CADPS: variants seen among roughly 807,000 people sequenced by gnomAD.
CADPS encodes calcium-dependent secretion activator 1.
A neutral mutation model predicts 167.3 loss-of-function variants in CADPS; 57 were observed. The observed-to-expected ratio is 0.34, with a 90% CI of 0.28 to 0.42. The LOEUF (loss-of-function observed/expected upper bound fraction) is 0.42, where lower values mean the gene tolerates loss of function less well. Among genes scored for constraint, CADPS ranks in the 20% least tolerant of loss-of-function variants. The probability of loss-of-function intolerance (pLI) is 1.00; values close to 1 mark genes in which losing one functional copy is unlikely to be tolerated. For missense variants in CADPS, 1,414 were observed against 1,738.1 expected (o/e 0.81, Z 3.32); for synonymous variants, 676 against 635.3 (o/e 1.06, Z -0.96).
intron 1 of CADPS, among the ~76,000 whole-genome samples, chr3:62,793,759 G>C (rs192918007): frequency 6.6e-6 from 1 of 152,186 alleles, no homozygotes; most frequent in Non-Finnish European, 1.5e-5. Context: ...GTGTGTGTGC[G>C]CACGTGCGTG....
At chr3:62,680,049 C>T (rs2076910331) in intron 3 of CADPS, among the ~76,000 whole-genome samples, 1 of 151,926 alleles carries the variant, frequency 6.6e-6, no homozygotes, top group South Asian at 2.1e-4. Flanking sequence ...CTATGGGGAG[C>T]CACTAAAGGT....
intron 6 of CADPS, among the ~76,000 whole-genome samples, chr3:62,608,577 C>A (rs2061031003): frequency 6.6e-6 from 1 of 152,104 alleles, no homozygotes; most frequent in Admixed American, 6.5e-5. Flanking sequence ...CTGCACCCAG[C>A]TGAAAGTTGA....
rs1560144598 is a variant in CADPS at position 62,420,894 on chromosome 3, A to AGG, written c.3777+17209_3777+17210insCC. Among the ~76,000 whole-genome samples, 3 of 128,784 alleles carry AGG rather than the reference A, an allele frequency of 2.3e-5. No homozygotes were observed. The highest frequency in any genetic ancestry group is 2.2e-4 in the East Asian group (1 of 4,482). 84.5% of individuals were successfully genotyped at this position (128,784 alleles called of 152,430 possible). A position where few individuals can be genotyped will look rare whatever the true frequency, so the allele number is the denominator to read the frequency against. ...CACACACACACACACACACACACACACACACACAGGCACACACACACACAC... is the reference window on the plus strand; with the variant it reads ...CACACACACACACACACACACACACAGGCACACACAGGCACACACACACACAC... On this transcript the variant is annotated intron_variant, in intron 28 of 29. Coordinates refer to ENST00000383710, the MANE Select transcript of CADPS (RefSeq NM_003716.4). The surrounding 1 kb of genome is among the most constrained non-coding windows in gnomAD (Gnocchi z 4.1).
In CADPS at chr3:62,412,492, A is replaced by G. The variant is rs1264738562; in HGVS notation, c.3778-9307T>C. ...TTTGCTGCTTCTGTGGGAAGGTATA[A>G]GGGATTTAACATTTGGGAGCATTAT... is the stretch of plus-strand genomic sequence containing the variant. On this transcript the variant is annotated intron_variant, in intron 28 of 29. Transcript: ENST00000383710. This position sits in a 1 kb window ranked among gnomAD's most constrained non-coding sequence, Gnocchi z 4.1. Among the ~76,000 whole-genome samples, 1 of 152,166 alleles carries G rather than the reference A, an allele frequency of 6.6e-6. No individual in the cohort carries two copies. The highest frequency in any genetic ancestry group is 1.5e-5 in the Non-Finnish European group (1 of 68,040).
In CADPS at chr3:62,874,104, C is replaced by A. The variant is rs1190326308; in HGVS notation, c.441+485G>T. 6.6e-6 allele frequency among the ~76,000 whole-genome samples: 1 copy of A among 152,220 alleles called. No homozygotes were observed. Among genetic ancestry groups the A allele is most frequent in the Non-Finnish European group, 1.5e-5 (1 of 68,022 alleles). ...CAGCGAGCGGAGCGCTGCTCCAAGACGCTCTTCTCCCTCCACCTCGGCGCC... is the reference window on the plus strand; with the variant it reads ...CAGCGAGCGGAGCGCTGCTCCAAGAAGCTCTTCTCCCTCCACCTCGGCGCC... On this transcript the variant is annotated intron_variant, in intron 1 of 29. Coordinates refer to ENST00000383710, the MANE Select transcript of CADPS (RefSeq NM_003716.4). The surrounding 1 kb of genome is among the most constrained non-coding windows in gnomAD (Gnocchi z 7.1).
chr3:62,423,864 T>C lies in CADPS; in HGVS notation c.3777+14240A>G, dbSNP rs1259543240. ...AAAAGAAATAACACATTTAACAAGA[T>C]GGTGCTGCTATCTCTAATGTACAGT... On this transcript the variant is annotated intron_variant, in intron 28 of 29. Coordinates refer to ENST00000383710, the MANE Select transcript of CADPS (RefSeq NM_003716.4). Among the ~76,000 whole-genome samples the C allele has an allele frequency of 9.2e-5, 14 of 152,334 alleles. 1 individual carries two copies. Among genetic ancestry groups the C allele is most frequent in the Admixed American group, 2.6e-4 (4 of 15,302 alleles).
chr3:62,436,257 T>C (rs1356914966), intron 28 of CADPS, among the ~76,000 whole-genome samples: 1 of 152,078 alleles, frequency 6.6e-6, no homozygotes, highest in Non-Finnish European at 1.5e-5. Context: ...TCAAATTCAG[T>C]ACTAGATTTA....
At chr3:62,751,278 T>C (rs2082642209) in intron 3 of CADPS, among the ~76,000 whole-genome samples, 1 of 152,196 alleles carries the variant, frequency 6.6e-6, no homozygotes, top group African/African-American at 2.4e-5. Context: ...AAAAACCATA[T>C]ATTTAGAATT....
At chr3:62,741,068 C>T (rs919127117) in intron 3 of CADPS, among the ~76,000 whole-genome samples, 2 of 152,132 alleles carry the variant, frequency 1.3e-5, no homozygotes, top group Non-Finnish European at 2.9e-5. Flanking sequence ...TCCAGAGAAC[C>T]AGCCCACCCT....
chr3:62,853,914 C>G (rs538042639), intron 1 of CADPS, among the ~76,000 whole-genome samples: 2 of 151,968 alleles, frequency 1.3e-5, no homozygotes, highest in South Asian at 4.2e-4. Flanking sequence ...TGTGATCTTT[C>G]CACAGCACTC....
intron 6 of CADPS, among the ~76,000 whole-genome samples, chr3:62,635,449 C>T (rs578082015): frequency 6.6e-6 from 1 of 152,154 alleles, no homozygotes; most frequent in African/African-American, 2.4e-5. Context: ...AAACAACACC[C>T]TGTCATTATT....
intron 8 of CADPS, 60 bp from the exon 9 acceptor site, chr3:62,570,998 A>G (rs2081185279): frequency 9.0e-7 from 1 of 1,113,394 alleles, no homozygotes; most frequent in Non-Finnish European, 1.4e-6. Context: ...ATTGTTGAAC[A>G]CACTTTGCCG....
chr3:62,773,139 T>G (rs2089359816), intron 1 of CADPS, among the ~76,000 whole-genome samples: 1 of 152,088 alleles, frequency 6.6e-6, no homozygotes, highest in African/African-American at 2.4e-5. Context: ...TTCTTTTTTT[T>G]GAAGACTTCA....
chr3:62,731,573 C>G (rs1251778544), intron 3 of CADPS, among the ~76,000 whole-genome samples: 1 of 152,046 alleles, frequency 6.6e-6, no homozygotes, highest in African/African-American at 2.4e-5. Flanking sequence ...GTCCCCTATA[C>G]TGGTGCAGCT....
chr3:62,619,168 C>T (rs1296315379), intron 6 of CADPS, among the ~76,000 whole-genome samples: 1 of 152,136 alleles, frequency 6.6e-6, no homozygotes, highest in East Asian at 1.9e-4. Context: ...GAAGTATTTG[C>T]TATTTTGCCC....
At chr3:62,646,043 G>A (rs2068488353) in intron 5 of CADPS, among the ~76,000 whole-genome samples, 200 bp from the exon 6 acceptor site, 1 of 152,096 alleles carries the variant, frequency 6.6e-6, no homozygotes, top group Admixed American at 6.6e-5. Flanking sequence ...CTGCCAGATA[G>A]AAAGACAAGG....
rs1364603337 is a variant in CADPS, at chr3:62,635,663, TC to T, written c.1325+10058del. On this transcript the variant is annotated intron_variant, in intron 6 of 29. Transcript: ENST00000383710. Reference sequence around the variant, plus strand: ...CTTTCTCTGTTTTTTTTTTTTTTTTTCCCCTCCCCAGATATTTTGCAGCCAT... The same window carrying T: ...CTTTCTCTGTTTTTTTTTTTTTTTTTCCCTCCCCAGATATTTTGCAGCCAT... Among the ~76,000 whole-genome samples the T allele has an allele frequency of 2.6e-3, 324 of 123,036 alleles. 1 individual carries two copies. Among genetic ancestry groups the T allele is most frequent in the African/African-American group, 8.9e-3 (296 of 33,298 alleles). The allele number at this position is 123,036 out of a possible 152,430, so 80.7% of individuals were successfully genotyped here.
intron 10 of CADPS, among the ~76,000 whole-genome samples, chr3:62,555,237 T>A (rs2077943471): frequency 2.0e-5 from 3 of 151,860 alleles, no homozygotes; most frequent in South Asian, 4.2e-4. Flanking sequence ...TCCATTTACA[T>A]CTTTCGTATA....
chr3:62,781,679 G>A (rs2152660362), intron 1 of CADPS, among the ~76,000 whole-genome samples: 1 of 152,208 alleles, frequency 6.6e-6, no homozygotes, highest in South Asian at 2.1e-4. Flanking sequence ...CCACGATTGT[G>A]TGTGGGGGCA....
Sources: gnomAD v4.1 joint callset for allele counts (sites outside exome capture counted in the v4.1 genomes callset) on GRCh38, gnomAD v4.1.1 for gene constraint, Gnocchi (gnomAD v3.1) non-coding constraint, MANE v1.5 for transcripts, NCBI Gene and HGNC (gene_info 2026-07-23, HGNC 2026-07-21) for gene names.